Variants in ATP9B observed in about 807,000 individuals in gnomAD.
ATP9B encodes probable phospholipid-transporting ATPase IIB.
ATP9B carries 110 observed loss-of-function variants against 146.1 expected under a neutral mutation model. That is an observed-to-expected ratio of 0.75 (90% CI 0.65 to 0.88). ATP9B has a LOEUF of 0.88. ATP9B is among the 40% of genes least tolerant of loss of function. ATP9B has a pLI of 0.00. For missense variants in ATP9B, 1,499 were observed against 1,496.4 expected, an observed-to-expected ratio of 1.00 and a Z score of -0.03; for synonymous variants, 604 against 569.7, an observed-to-expected ratio of 1.06 and a Z score of -0.86.
chr18:79,214,142 C>G, intron 11 of ATP9B, 104 bp downstream of exon 11: 2 of 643,690 alleles, frequency 3.1e-6, no homozygotes, highest in Non-Finnish European at 4.8e-6. Flanking sequence ...TAACATATAT[C>G]TTAAAGTAGA....
intron 29 of ATP9B, among the ~76,000 whole-genome samples, chr18:79,376,979 C>T (rs2097106671): frequency 6.6e-6 from 1 of 152,202 alleles, no homozygotes; most frequent in African/African-American, 2.4e-5. Flanking sequence ...GGATTATAGG[C>T]ATGAGCCACT....
chr18:79,261,251 G>A (rs893506570), intron 12 of ATP9B, among the ~76,000 whole-genome samples: 25 of 152,164 alleles, frequency 1.6e-4, no homozygotes, highest in African/African-American at 5.5e-4. Context: ...CATGCATGCC[G>A]TGATGGCCCC....
chr18:79,145,329 G>A lies in ATP9B; in HGVS notation c.726+1469G>A, dbSNP rs574585579. ...TGCATGTCGGGGTTGCTGGCGGTGT[G>A]CAGAGTGACTGAAGGTGCAGGCTGC... is the stretch of plus-strand genomic sequence containing the variant. On this transcript the variant is annotated intron_variant, in intron 6 of 29. Coordinates refer to ENST00000426216, the MANE Select transcript of ATP9B (RefSeq NM_198531.5). The A allele has an allele frequency of 8.9e-3, 1,299 of 145,424 alleles. 25 individuals carry two copies. Among genetic ancestry groups the A allele is most frequent in the Non-Finnish European group, 0.012 (884 of 72,456 alleles). 9.0% of individuals were successfully genotyped at this position (145,424 alleles called of 1,614,324 possible). A position where few individuals can be genotyped will look rare whatever the true frequency, so the allele number is the denominator to read the frequency against.
At chr18:79,348,495 C>T (rs545885354) in intron 25 of ATP9B, among the ~76,000 whole-genome samples, 3 of 152,346 alleles carry the variant, frequency 2.0e-5, no homozygotes, top group African/African-American at 7.2e-5. Context: ...GGCGGAGGGG[C>T]AGAGTGGCCA....
intron 2 of ATP9B, among the ~76,000 whole-genome samples, chr18:79,104,732 T>C (rs1411057291): frequency 6.6e-6 from 1 of 152,044 alleles, no homozygotes; most frequent in African/African-American, 2.4e-5. Flanking sequence ...CCTAGATTTG[T>C]CTAGGAAGTC....
chr18:79,216,208 A>T (rs1458249314), intron 11 of ATP9B, among the ~76,000 whole-genome samples: 1 of 151,818 alleles, frequency 6.6e-6, no homozygotes, highest in African/African-American at 2.4e-5. Context: ...CCACTTTATT[A>T]TTTCTTCCCA....
intron 14 of ATP9B, 148 bp from the exon 15 acceptor site, chr18:79,306,838 A>C (rs2096622662): frequency 2.1e-6 from 2 of 941,798 alleles, no homozygotes; most frequent in East Asian, 2.6e-5. Flanking sequence ...CTCATTAATC[A>C]GTGCTTTATA....
At chr18:79,344,503 G>T in intron 21 of ATP9B, 149 bp downstream of exon 21, 1 of 771,948 alleles carries the variant, frequency 1.3e-6, no homozygotes, top group Non-Finnish European at 2.3e-6. Flanking sequence ...TCTGAGGCAA[G>T]GCTGGACCCT....
intron 13 of ATP9B, among the ~76,000 whole-genome samples, chr18:79,288,974 C>T (rs1235685563): frequency 5.9e-5 from 9 of 152,140 alleles, no homozygotes; most frequent in East Asian, 1.9e-4. Flanking sequence ...GAGTTTCTGC[C>T]GAGAGATCCA....
intron 13 of ATP9B, among the ~76,000 whole-genome samples, chr18:79,299,380 GCCACATACAGTT>G (rs981168323): frequency 2.0e-5 from 3 of 152,150 alleles, no homozygotes; most frequent in African/African-American, 7.2e-5. Context: ...CCATGTGCGA[GCCACATACAGTT>G]CCCTCTTCCT....
intron 1 of ATP9B, chr18:79,086,461 A>AAAG: frequency 6.8e-6 from 1 of 146,156 alleles, no homozygotes; most frequent in Non-Finnish European, 1.5e-5. Flanking sequence ...AAAAAGATAA[A>AAAG]ATCTCAAGTT....
chr18:79,174,036 G>T, intron 7 of ATP9B: 1 of 324,002 alleles, frequency 3.1e-6, no homozygotes, highest in Non-Finnish European at 6.0e-6. Context: ...GAATTGAGCT[G>T]GACTGCACTT....
chr18:79,189,344 C>CA (rs148558215), intron 8 of ATP9B, among the ~76,000 whole-genome samples: 38,270 of 148,500 alleles, frequency 0.26, 5,107 homozygotes, highest in East Asian at 0.5. Context: ...GAGACTCCAT[C>CA]AAAAAAAAAA....
rs983753211 is a variant in ATP9B at position 79,069,482 on chromosome 18, C to G, written c.72C>G (p.Ala24=). 2.0e-6 allele frequency: 3 copies of G among 1,490,496 alleles called. No individual in the cohort carries two copies. The highest frequency in any genetic ancestry group is 2.7e-6 in the Non-Finnish European group (3 of 1,121,668). 92.3% of individuals were successfully genotyped at this position (1,490,496 alleles called of 1,614,324 possible). A position where few individuals can be genotyped will look rare whatever the true frequency, so the allele number is the denominator to read the frequency against. ...AAAAANRKRA[A]YYSAAGPRPG... ...CCGCAGCCAACCGCAAACGCGCGGCCTACTACAGCGCCGCGGGGCCCAGGC... is the reference window on the plus strand; with the variant it reads ...CCGCAGCCAACCGCAAACGCGCGGCGTACTACAGCGCCGCGGGGCCCAGGC... The change falls in exon 1 of 30, where the codon GCC becomes GCG. Residue 24 remains alanine, a synonymous_variant. Transcript: ENST00000426216.
chr18:79,202,643 G>A (rs367641558), intron 9 of ATP9B, among the ~76,000 whole-genome samples: 3 of 152,194 alleles, frequency 2.0e-5, no homozygotes, highest in Admixed American at 2.0e-4. Flanking sequence ...TTTATTTTCA[G>A]TCTTCCCAGT....
intron 25 of ATP9B, among the ~76,000 whole-genome samples, chr18:79,356,783 G>C (rs112876404): frequency 1.3e-5 from 2 of 152,198 alleles, no homozygotes; most frequent in African/African-American, 4.8e-5. Flanking sequence ...GCAGCCGCAG[G>C]AGGGACCCTG....
chr18:79,120,251 A>G (rs1324987445), intron 4 of ATP9B, among the ~76,000 whole-genome samples: 1 of 152,174 alleles, frequency 6.6e-6, no homozygotes, highest in Non-Finnish European at 1.5e-5. Context: ...AAAAGATATC[A>G]GTTAACATTT....
At chr18:79,164,580 ATGG>A (rs1487949810) in intron 7 of ATP9B, among the ~76,000 whole-genome samples, 3 of 152,044 alleles carry the variant, frequency 2.0e-5, no homozygotes, top group Non-Finnish European at 4.4e-5. Context: ...TTAGCCAGAC[ATGG>A]TGGCGGGCGC....
intron 1 of ATP9B, among the ~76,000 whole-genome samples, chr18:79,083,493 C>T (rs549279967): frequency 1.4e-4 from 22 of 152,326 alleles, no homozygotes; most frequent in Middle Eastern, 3.4e-3. Flanking sequence ...TCTGCCCAAA[C>T]GGCCACCTAG....
Sources: allele counts gnomAD v4.1 joint callset (sites outside exome capture counted in the v4.1 genomes callset), GRCh38; gene constraint gnomAD v4.1.1; transcripts MANE v1.5; gene names NCBI Gene and HGNC (gene_info 2026-07-23, HGNC 2026-07-21).